The following ATL1 variants were observed in gnomAD, a reference collection of about 807,000 sequenced individuals.
ATL1 encodes atlastin-1.
ATL1 carries 31 observed loss-of-function variants against 75.5 expected under a neutral mutation model. The observed-to-expected ratio is 0.41, with a 90% CI of 0.31 to 0.55. ATL1 has a LOEUF of 0.55. Ranked by LOEUF, ATL1 falls within the 20% of genes least tolerant of loss-of-function variation. ATL1 has a pLI of 0.27. For missense variants in ATL1, 405 were observed against 662.6 expected, an observed-to-expected ratio of 0.61 and a Z score of 4.27; for synonymous variants, 226 against 233.3, an observed-to-expected ratio of 0.97 and a Z score of 0.28.
intron 6 of ATL1, among the ~76,000 whole-genome samples, chr14:50,599,932 C>A (rs1214300845): frequency 3.3e-5 from 5 of 150,892 alleles, no homozygotes; most frequent in African/African-American, 1.2e-4. Flanking sequence ...ATAAAACCAG[C>A]CTTGCTTGCA....
In ATL1 at chr14:50,560,157, A is replaced by G; in HGVS notation, c.-109A>G. 1 of 1,340,076 alleles carries G rather than the reference A, an allele frequency of 7.5e-7. No homozygotes were observed. Among genetic ancestry groups the G allele is most frequent in the Non-Finnish European group, 1.1e-6 (1 of 949,100 alleles). 83.0% of individuals were successfully genotyped at this position (1,340,076 alleles called of 1,614,324 possible). ...CAGCAACATCCTCAGAGTCTGAGCG[A>G]ACTGCGCCCAGCGCGGGCACGGAGC... On this transcript the variant is annotated 5_prime_UTR_variant, in exon 1 of 14. Transcript: ENST00000358385.
At chr14:50,582,652 T>C (rs2039067578) in intron 1 of ATL1, among the ~76,000 whole-genome samples, 1 of 151,398 alleles carries the variant, frequency 6.6e-6, no homozygotes, top group African/African-American at 2.4e-5. Context: ...TCTCAAACTC[T>C]TGACCTCAAA....
At chr14:50,567,383 G>A (rs1445337097) in intron 1 of ATL1, among the ~76,000 whole-genome samples, 6 of 152,086 alleles carry the variant, frequency 3.9e-5, no homozygotes, top group Non-Finnish European at 7.4e-5. Flanking sequence ...ACACTGGGTT[G>A]CTTTCACATT....
intron 1 of ATL1, among the ~76,000 whole-genome samples, chr14:50,547,944 C>G (rs778836062): frequency 1.3e-5 from 2 of 152,188 alleles, no homozygotes; most frequent in Non-Finnish European, 2.9e-5. Flanking sequence ...TAGTACCTAT[C>G]TAGACTCTCT....
At chr14:50,613,428 T>C in intron 7 of ATL1, 77 bp downstream of exon 7, 3 of 1,102,402 alleles carry the variant, frequency 2.7e-6, no homozygotes, top group Non-Finnish European at 4.1e-6. Flanking sequence ...GGTGAATAGA[T>C]ACTCAGTAGC....
chr14:50,582,396 T>C (rs535043392), intron 1 of ATL1, among the ~76,000 whole-genome samples: 24 of 151,806 alleles, frequency 1.6e-4, no homozygotes, highest in Middle Eastern at 3.4e-3. Flanking sequence ...CAATCTTTTA[T>C]TACAAACTTT....
chr14:50,582,259 A>G (rs903470696), intron 1 of ATL1, among the ~76,000 whole-genome samples: 17 of 151,294 alleles, frequency 1.1e-4, no homozygotes, highest in African/African-American at 4.1e-4. Flanking sequence ...AGCCTGGGTG[A>G]CAGAGTGAGT....
At chr14:50,586,956 A>G (rs896924620) in intron 1 of ATL1, among the ~76,000 whole-genome samples, 1 of 152,216 alleles carries the variant, frequency 6.6e-6, no homozygotes, top group Non-Finnish European at 1.5e-5. Context: ...TAGAAATCCT[A>G]TATGAGGAAG....
At chr14:50,539,363 A>C (rs2038533426) in intron 1 of ATL1, among the ~76,000 whole-genome samples, 1 of 152,210 alleles carries the variant, frequency 6.6e-6, no homozygotes, top group South Asian at 2.1e-4. Context: ...GTACATGAAA[A>C]CAAGACAAAT....
At chr14:50,578,296 C>G (rs1446099662) in intron 1 of ATL1, among the ~76,000 whole-genome samples, 1 of 152,118 alleles carries the variant, frequency 6.6e-6, no homozygotes, top group Admixed American at 6.6e-5. Flanking sequence ...AATCTCCCTC[C>G]TCTTCATTAA....
chr14:50,553,571 T>G (rs11849442), intron 1 of ATL1, among the ~76,000 whole-genome samples: 6,742 of 152,214 alleles, frequency 0.044, 473 homozygotes, highest in African/African-American at 0.15. Context: ...AAAGTGGAAC[T>G]ACCATTTGAC....
intron 1 of ATL1, among the ~76,000 whole-genome samples, chr14:50,584,868 T>G (rs1173133717): frequency 6.6e-6 from 1 of 152,028 alleles, no homozygotes; most frequent in Non-Finnish European, 1.5e-5. Flanking sequence ...AAATTAAGAA[T>G]GCCTTTTCAT....
At chr14:50,546,973 G>A (rs1360060347) in intron 1 of ATL1, among the ~76,000 whole-genome samples, 1 of 152,030 alleles carries the variant, frequency 6.6e-6, no homozygotes, top group African/African-American at 2.4e-5. Flanking sequence ...TTCTCCTAAT[G>A]CTATCCCTCC....
chr14:50,543,634 T>G (rs1392740507), intron 1 of ATL1, among the ~76,000 whole-genome samples: 1 of 152,300 alleles, frequency 6.6e-6, no homozygotes, highest in Admixed American at 6.5e-5. Context: ...GAAGGATCAA[T>G]CGTGGTGCTG....
At chr14:50,618,773 C>G (rs2140230627) in intron 8 of ATL1, among the ~76,000 whole-genome samples, 1 of 152,040 alleles carries the variant, frequency 6.6e-6, no homozygotes, top group South Asian at 2.1e-4. Context: ...CAGGCAGTTA[C>G]TGAATTTACT....
At chr14:50,613,489 T>G (rs2039385886) in intron 7 of ATL1, 138 bp downstream of exon 7, 1 of 706,792 alleles carries the variant, frequency 1.4e-6, no homozygotes, top group African/African-American at 1.8e-5. Context: ...AGGTGAAGAA[T>G]TCTTTGTATA....
intron 1 of ATL1, among the ~76,000 whole-genome samples, chr14:50,584,401 A>G (rs1163297609): frequency 2.0e-5 from 3 of 151,838 alleles, no homozygotes; most frequent in Admixed American, 6.6e-5. Flanking sequence ...AAATAAACTT[A>G]GAAGAATATA....
intron 8 of ATL1, among the ~76,000 whole-genome samples, chr14:50,618,034 C>T (rs1479221230): frequency 6.6e-6 from 1 of 152,164 alleles, no homozygotes; most frequent in Non-Finnish European, 1.5e-5. Context: ...TAATTAATTA[C>T]CACACTTGCT....
chr14:50,576,618 C>T (rs920710584), intron 1 of ATL1, among the ~76,000 whole-genome samples: 1 of 152,160 alleles, frequency 6.6e-6, no homozygotes. Flanking sequence ...TTCTGTTGCC[C>T]AGGTTGAAGT....
Sources: allele counts gnomAD v4.1 joint callset (sites outside exome capture counted in the v4.1 genomes callset), GRCh38; gene constraint gnomAD v4.1.1; transcripts MANE v1.5; gene names NCBI Gene and HGNC (gene_info 2026-07-23, HGNC 2026-07-21).